EPM2A: variants seen among roughly 807,000 people sequenced by gnomAD.
The protein encoded by EPM2A is EPM2A glucan phosphatase, laforin.
A neutral mutation model predicts 26.5 loss-of-function variants in EPM2A; 21 were observed. That is an observed-to-expected ratio of 0.79 (90% CI 0.56 to 1.14). The LOEUF is 1.14. EPM2A is among the 50% of genes most tolerant of loss of function. The pLI, the probability that EPM2A is intolerant of heterozygous loss-of-function variation, is 0.00. For synonymous variants in EPM2A, 217 were observed against 177.6 expected (o/e 1.22, Z -1.76); for missense variants, 458 against 440.8 (o/e 1.04, Z -0.35).
At chr6:145,422,042 A>G (rs1460302110) in intron 4 of EPM2A, among the ~76,000 whole-genome samples, 1 of 138,722 alleles carries the variant, frequency 7.2e-6, no homozygotes, top group Non-Finnish European at 1.6e-5. Flanking sequence ...TAGGTTAAAT[A>G]GAATATATAT....
At chr6:145,419,930 T>C (rs115817315) in intron 4 of EPM2A, among the ~76,000 whole-genome samples, 12,940 of 152,126 alleles carry the variant, frequency 0.085, 653 homozygotes, top group African/African-American at 0.14. Context: ...TTTAAAGAAA[T>C]ATTGAAATCA....
intron 2 of EPM2A, among the ~76,000 whole-genome samples, chr6:145,661,221 T>C (rs1373492694): frequency 6.6e-6 from 1 of 152,194 alleles, no homozygotes; most frequent in Non-Finnish European, 1.5e-5. Flanking sequence ...CCTTTCACAA[T>C]CTGCAGTTCA....
chr6:145,398,315 A>G (rs1457637854), intron 4 of EPM2A, among the ~76,000 whole-genome samples: 6 of 152,182 alleles, frequency 3.9e-5, no homozygotes, highest in Non-Finnish European at 7.4e-5. Flanking sequence ...CTTGCCTGAT[A>G]GCTCTCCAGA....
chr6:145,639,082 G>C (rs1582943736), intron 2 of EPM2A: 1 of 152,044 alleles, frequency 6.6e-6, no homozygotes, highest in South Asian at 2.1e-4. Flanking sequence ...TGAGATTAGA[G>C]AATAAAAATT....
intron 1 of EPM2A, 59 bp downstream of exon 1, chr6:145,735,139 T>A: frequency 7.6e-7 from 1 of 1,322,406 alleles, no homozygotes; most frequent in Non-Finnish European, 1.0e-6. Context: ...GAGGCCCCGG[T>A]TGGGGGTGCG....
Position 145,626,562 on chromosome 6 carries a change from GACAAA to G in EPM2A, c.*849_*853del. ...GGCATATTGACTATACCCTGAGAAAGACAAAACTAAATGCACTACATGATGCTGGG... is the reference window on the plus strand; with the variant it reads ...GGCATATTGACTATACCCTGAGAAAGACTAAATGCACTACATGATGCTGGG... On this transcript the variant is annotated 3_prime_UTR_variant, in exon 4 of 4. Coordinates refer to ENST00000367519, the MANE Select transcript of EPM2A (RefSeq NM_005670.4). 2 of 985,808 alleles carry G rather than the reference GACAAA, an allele frequency of 2.0e-6. No homozygotes were observed. Among genetic ancestry groups the G allele is most frequent in the Non-Finnish European group, 2.4e-6 (2 of 829,954 alleles). The allele number at this position is 985,808 out of a possible 1,614,324, so 61.1% of individuals were successfully genotyped here. A position where few individuals can be genotyped will look rare whatever the true frequency, so the allele number is the denominator to read the frequency against.
At chr6:145,588,358 G>T (rs1166837379) in intron 2 of EPM2A, among the ~76,000 whole-genome samples, 1 of 152,124 alleles carries the variant, frequency 6.6e-6, no homozygotes, top group Non-Finnish European at 1.5e-5. Flanking sequence ...ACAATTCATG[G>T]ATTAATTCAT....
At chr6:145,432,084 G>A (rs1778929999) in intron 4 of EPM2A, among the ~76,000 whole-genome samples, 1 of 152,122 alleles carries the variant, frequency 6.6e-6, no homozygotes, top group African/African-American at 2.4e-5. Flanking sequence ...AGCCACTACT[G>A]ACTCTAGTTC....
At chr6:145,685,972 G>A (rs1780872213) in intron 2 of EPM2A, 150 bp downstream of exon 2, 1 of 707,258 alleles carries the variant, frequency 1.4e-6, no homozygotes, top group Non-Finnish European at 2.5e-6. Context: ...CTCACACACT[G>A]ATTCACTGTA....
chr6:145,477,285 T>C (rs939981104), intron 4 of EPM2A, among the ~76,000 whole-genome samples: 1 of 151,724 alleles, frequency 6.6e-6, no homozygotes, highest in Admixed American at 6.6e-5. Flanking sequence ...AAAGATATAA[T>C]AAAAAGTCTT....
At chr6:145,408,647 C>A (rs1582732538) in intron 4 of EPM2A, among the ~76,000 whole-genome samples, 2 of 152,150 alleles carry the variant, frequency 1.3e-5, no homozygotes, top group Non-Finnish European at 2.9e-5. Flanking sequence ...TAAACAGATA[C>A]CTGCTGGGCA....
At chr6:145,530,480 A>G (rs776471648) in intron 2 of EPM2A, among the ~76,000 whole-genome samples, 3 of 151,886 alleles carry the variant, frequency 2.0e-5, no homozygotes, top group Non-Finnish European at 4.4e-5. Context: ...AGCAAGGGAA[A>G]GCTTGTTGTT....
At chr6:145,457,413 G>A (rs1479945108) in intron 4 of EPM2A, among the ~76,000 whole-genome samples, 1 of 150,912 alleles carries the variant, frequency 6.6e-6, no homozygotes, top group African/African-American at 2.4e-5. Context: ...GAACCTGGGA[G>A]GCAGAGGTTG....
intron 4 of EPM2A, among the ~76,000 whole-genome samples, chr6:145,425,497 T>C (rs1339216471): frequency 6.6e-6 from 1 of 152,084 alleles, no homozygotes; most frequent in Non-Finnish European, 1.5e-5. Context: ...CTGAATTTCA[T>C]GTTATTTTCT....
intron 4 of EPM2A, among the ~76,000 whole-genome samples, chr6:145,478,942 G>A (rs143279602): frequency 6.6e-6 from 1 of 151,592 alleles, no homozygotes; most frequent in African/African-American, 2.4e-5. Context: ...CTATGTGCTT[G>A]TTTCACTATG....
chr6:145,651,438 C>T (rs1196689960), intron 2 of EPM2A, among the ~76,000 whole-genome samples: 3 of 152,162 alleles, frequency 2.0e-5, no homozygotes, highest in African/African-American at 7.2e-5. Context: ...ATCTGAGATT[C>T]TCAGAAGGGA....
At chr6:145,492,731 C>T (rs922346653) in intron 4 of EPM2A, among the ~76,000 whole-genome samples, 4 of 152,170 alleles carry the variant, frequency 2.6e-5, no homozygotes, top group Admixed American at 6.5e-5. Context: ...AGCTGTCAAG[C>T]CATCCCTCTG....
At chr6:145,427,492 G>A (rs1326958450) in intron 4 of EPM2A, among the ~76,000 whole-genome samples, 1 of 152,066 alleles carries the variant, frequency 6.6e-6, no homozygotes, top group East Asian at 1.9e-4. Flanking sequence ...TTATCAGAGA[G>A]GTAATAGGGG....
intron 1 of EPM2A, among the ~76,000 whole-genome samples, chr6:145,733,798 T>C (rs1776640340): frequency 6.6e-6 from 1 of 152,144 alleles, no homozygotes; most frequent in Non-Finnish European, 1.5e-5. Flanking sequence ...TATAAACACA[T>C]TCCACTCTAA....
Sources: gnomAD v4.1 joint callset for allele counts (sites outside exome capture counted in the v4.1 genomes callset) on GRCh38, gnomAD v4.1.1 for gene constraint, MANE v1.5 for transcripts, NCBI Gene and HGNC (gene_info 2026-07-23, HGNC 2026-07-21) for gene names.